The following CAPN5 variants were observed in gnomAD, a reference collection of about 807,000 sequenced individuals.
CAPN5 encodes the protein calpain 5.
CAPN5 carries 54 observed loss-of-function variants against 73.0 expected under a neutral mutation model. The observed-to-expected ratio is 0.74, with a 90% CI of 0.59 to 0.93. The LOEUF is 0.93. CAPN5 is among the 40% of genes least tolerant of loss of function. The pLI is 0.00. For synonymous variants in CAPN5, 335 were observed against 356.9 expected, an observed-to-expected ratio of 0.94 and a Z score of 0.69; for missense variants, 785 against 882.9, an observed-to-expected ratio of 0.89 and a Z score of 1.41.
chr11:77,088,175 G>A (rs1950110235), intron 2 of CAPN5: 1 of 1,150,750 alleles, frequency 8.7e-7, no homozygotes, highest in East Asian at 2.7e-5. Context: ...AGGGGACAAG[G>A]TGGGGTGGGG....
At chr11:77,123,225 A>G (rs1232967301) in intron 12 of CAPN5, among the ~76,000 whole-genome samples, 1 of 152,176 alleles carries the variant, frequency 6.6e-6, no homozygotes, top group Non-Finnish European at 1.5e-5. Flanking sequence ...CATCTCTCTC[A>G]GTGAGACAGC....
At chr11:77,073,048 A>G (rs897546129) in intron 1 of CAPN5, 3 of 1,286,990 alleles carry the variant, frequency 2.3e-6, no homozygotes, top group South Asian at 1.2e-5. Context: ...CCCGGGTGAG[A>G]GAGAATGTCC....
intron 9 of CAPN5, 41 bp from the exon 10 acceptor site, chr11:77,120,672 G>C: frequency 6.8e-7 from 1 of 1,460,328 alleles, no homozygotes; most frequent in Non-Finnish European, 9.4e-7. Context: ...GGTGTTGTAG[G>C]GTGTGTCTCC....
At chr11:77,098,874 ACGCTCCTCACTTCCCAGAT>A (rs1950248770) in intron 3 of CAPN5, among the ~76,000 whole-genome samples, 1 of 131,266 alleles carries the variant, frequency 7.6e-6, no homozygotes, top group African/African-American at 3.1e-5. Context: ...CTGGGCGGAG[ACGCTCCTCACTTCCCAGAT>A]GGGGTGGCTG....
intron 3 of CAPN5, among the ~76,000 whole-genome samples, chr11:77,099,739 G>A (rs1156641059): frequency 6.7e-6 from 1 of 148,604 alleles, no homozygotes; most frequent in Non-Finnish European, 1.5e-5. Flanking sequence ...GAGAGGGAGA[G>A]GGAGAGGGAG....
At chr11:77,109,979 G>A (rs1022009033) in intron 3 of CAPN5, among the ~76,000 whole-genome samples, 4 of 152,208 alleles carry the variant, frequency 2.6e-5, no homozygotes, top group African/African-American at 9.6e-5. Flanking sequence ...AGGGGGTGAA[G>A]GTGATGGGCC....
chr11:77,070,123 T>C (rs2135402614), intron 1 of CAPN5, among the ~76,000 whole-genome samples: 1 of 152,276 alleles, frequency 6.6e-6, no homozygotes, highest in South Asian at 2.1e-4. Context: ...CCATTCTGGT[T>C]GTTTGCACGT....
intron 1 of CAPN5, among the ~76,000 whole-genome samples, chr11:77,082,300 C>T (rs1483926086): frequency 6.6e-6 from 1 of 152,128 alleles, no homozygotes; most frequent in African/African-American, 2.4e-5. Flanking sequence ...CTCAGGTGGT[C>T]CTGAACCCCA....
At chr11:77,079,668 A>G (rs558081237) in intron 1 of CAPN5, among the ~76,000 whole-genome samples, 4 of 152,332 alleles carry the variant, frequency 2.6e-5, no homozygotes, top group African/African-American at 9.6e-5. Context: ...ACTAGATTAT[A>G]TGAACACATG....
rs374584917 is a variant in CAPN5 at position 77,112,637 on chromosome 11, G to A, written c.346G>A (p.Ala116Thr). 124 of 1,613,918 alleles carry A rather than the reference G, an allele frequency of 7.7e-5. No homozygotes were observed. The highest frequency in any genetic ancestry group is 9.7e-5 in the Non-Finnish European group (115 of 1,180,002). The change falls in exon 4 of 13, where the codon GCC becomes ACC. Residue 116 changes from alanine to threonine, a missense_variant. Physicochemically the swap from Ala to Thr is moderately conservative, Grantham distance 58 (BLOSUM62 0). Transcript: ENST00000648180. ...GGAATGGGACCCCGAAAAGCCCAAC[G>A]CCTACGCGGGCATCTTCCACTTCCA... ...EQEWDPEKPN[A>T]YAGIFHFHFW...
chr11:77,095,112 G>A (rs551234444), intron 3 of CAPN5, among the ~76,000 whole-genome samples: 3 of 152,330 alleles, frequency 2.0e-5, no homozygotes, highest in East Asian at 3.9e-4. Flanking sequence ...CTTGGCAGAG[G>A]CCATGGTTGC....
intron 3 of CAPN5, among the ~76,000 whole-genome samples, chr11:77,106,891 G>T (rs1555039982): frequency 6.6e-6 from 1 of 152,252 alleles, no homozygotes; most frequent in Non-Finnish European, 1.5e-5. Context: ...CGAGAGAGCG[G>T]CCATGGGGGA....
At position 77,121,867 on chromosome 11, in the gene CAPN5, C is replaced by A. The variant is rs552222910; in HGVS notation, c.1488-67C>A. Reference sequence around the variant, plus strand: ...TCTCTTCCCTTCCCACTTCCTGAACCCCCTCTTCACCCCTGTCTTCCTGGC... The same window carrying A: ...TCTCTTCCCTTCCCACTTCCTGAACACCCTCTTCACCCCTGTCTTCCTGGC... On this transcript the variant is annotated intron_variant, in intron 10 of 12. Coordinates refer to ENST00000648180, the MANE Select transcript of CAPN5 (RefSeq NM_004055.5). The A allele has an allele frequency of 3.9e-4, 306 of 782,458 alleles. No homozygotes were observed. In the African/African-American group the frequency reaches 4.4e-3, roughly 11 times the overall value. 48.5% of individuals were successfully genotyped at this position (782,458 alleles called of 1,614,324 possible).
Position 77,101,737 on chromosome 11 carries a change from G to A in CAPN5, c.297+7924G>A, listed in dbSNP as rs544834825. Among the ~76,000 whole-genome samples the A allele has an allele frequency of 1.5e-4, 23 of 152,188 alleles. No homozygotes were observed. In the East Asian group the frequency reaches 3.3e-3, roughly 22 times the overall value. On this transcript the variant is annotated intron_variant, in intron 3 of 12. Transcript: ENST00000648180. ...TGTGTGGCGTGTTGTGGCGACGGCC[G>A]CTCCCCAACTCCCATCCCCACTCTC...
At chr11:77,106,998 G>A (rs1950356415) in intron 3 of CAPN5, among the ~76,000 whole-genome samples, 1 of 152,184 alleles carries the variant, frequency 6.6e-6, no homozygotes, top group Non-Finnish European at 1.5e-5. Flanking sequence ...CCGGGGGAAG[G>A]GGGACTCCCC....
rs868962243 is a variant in CAPN5 at position 77,095,291 on chromosome 11, C to A, written c.297+1478C>A. Among the ~76,000 whole-genome samples the A allele has an allele frequency of 3.3e-5, 5 of 152,190 alleles. No individual in the cohort carries two copies. In the South Asian group the frequency reaches 1.0e-3, roughly 31 times the overall value. ...CTCTCCAGCTTCCAGGCTCCCACCC[C>A]CTTCTCTGAGCTCAGAACAAGGTCC... On this transcript the variant is annotated intron_variant, in intron 3 of 12. Coordinates refer to ENST00000648180, the MANE Select transcript of CAPN5 (RefSeq NM_004055.5).
chr11:77,110,197 C>T (rs1191519219), intron 3 of CAPN5, among the ~76,000 whole-genome samples: 2 of 151,884 alleles, frequency 1.3e-5, no homozygotes, highest in Non-Finnish European at 1.5e-5. Flanking sequence ...AAGCGATTCT[C>T]ATGAGTCAGC....
In CAPN5 at chr11:77,118,262, G is replaced by A. The variant is rs782457367; in HGVS notation, c.1077G>A (p.Leu359=). The change falls in exon 8 of 13, where the codon CTG becomes CTA. Residue 359 remains leucine, a synonymous_variant. Transcript: ENST00000648180. ...ACAAGACGTGGGAGGAGGCCCGGCT[G>A]CATGGCGCCTGGACGCTGCATGAGG... is the stretch of plus-strand genomic sequence containing the variant. The part of the protein sequence containing the change: ...SIHKTWEEAR[L]HGAWTLHEDP... The A allele has an allele frequency of 1.1e-5, 18 of 1,613,954 alleles. No homozygotes were observed. In the East Asian group the frequency reaches 3.3e-4, roughly 30 times the overall value.
At chr11:77,073,268 C>G in intron 1 of CAPN5, 1 of 424,734 alleles carries the variant, frequency 2.4e-6, no homozygotes, top group Non-Finnish European at 4.5e-6. Flanking sequence ...ACAGTCTCCA[C>G]CTCCACAAGT....
Sources: gnomAD v4.1 joint callset for allele counts (sites outside exome capture counted in the v4.1 genomes callset) on GRCh38, gnomAD v4.1.1 for gene constraint, MANE v1.5 for transcripts, NCBI Gene and HGNC (gene_info 2026-07-23, HGNC 2026-07-21) for gene names.